The following PITPNM1 variants were observed in gnomAD, a reference collection of about 807,000 sequenced individuals.
The protein encoded by PITPNM1 is phosphatidylinositol transfer protein membrane associated 1, also known as membrane-associated phosphatidylinositol transfer protein 1.
In PITPNM1, 74 loss-of-function variants were observed where a neutral mutation model predicts 133.3. That is an observed-to-expected ratio of 0.56 (90% CI 0.46 to 0.67). PITPNM1 has a LOEUF of 0.67. PITPNM1 is among the 30% of genes least tolerant of loss of function. The pLI is 0.00. For missense variants in PITPNM1, 1,398 were observed against 1,739.5 expected (o/e 0.80, Z 3.49); for synonymous variants, 738 against 741.4 (o/e 1.00, Z 0.08).
Position 67,494,073 on chromosome 11 carries a change from G to C in PITPNM1, c.2860-3C>G. ...TGCGTCATGATGTAGACATCCACCTGGAGGGGAGAAGGGGCGGGAGGTAAA... is the reference window on the plus strand; with the variant it reads ...TGCGTCATGATGTAGACATCCACCTCGAGGGGAGAAGGGGCGGGAGGTAAA... On this transcript the variant is annotated splice_region_variant and splice_polypyrimidine_tract_variant and intron_variant, in intron 19 of 23. Transcript: ENST00000356404. The C allele has an allele frequency of 1.2e-6, 2 of 1,603,604 alleles. No homozygotes were observed. The highest frequency in any genetic ancestry group is 1.7e-6 in the Non-Finnish European group (2 of 1,174,118).
In PITPNM1 at chr11:67,493,848, C is replaced by T; in HGVS notation, c.3009-11G>A. Reference sequence around the variant, plus strand: ...TAGGTGTGGTCGCCCCTGCGGCCCACGGGGCGGGGCGTGAGTGGCGCGGGG... The same window carrying T: ...TAGGTGTGGTCGCCCCTGCGGCCCATGGGGCGGGGCGTGAGTGGCGCGGGG... On this transcript the variant is annotated splice_polypyrimidine_tract_variant and intron_variant, in intron 20 of 23. Coordinates refer to ENST00000356404, the MANE Select transcript of PITPNM1 (RefSeq NM_004910.3). 1.3e-6 allele frequency: 2 copies of T among 1,532,306 alleles called. No homozygotes were observed. The highest frequency in any genetic ancestry group is 1.2e-5 in the South Asian group (1 of 82,150). 94.9% of individuals were successfully genotyped at this position (1,532,306 alleles called of 1,614,324 possible).
In PITPNM1 at chr11:67,498,082, C is replaced by T; in HGVS notation, c.1674+51G>A. ...CCTTGTCCTCACCCAGGCCAGACTA[C>T]AGTGGGGGCTGCAGTGGAGGGCAGC... On this transcript the variant is annotated intron_variant, in intron 11 of 23. Transcript: ENST00000356404. The surrounding 1 kb of genome is among the most constrained non-coding windows in gnomAD (Gnocchi z 5.7). The T allele has an allele frequency of 1.2e-6, 2 of 1,609,176 alleles. No individual in the cohort carries two copies. Among genetic ancestry groups the T allele is most frequent in the Non-Finnish European group, 1.7e-6 (2 of 1,178,916 alleles).
rs1388892899 is a variant in PITPNM1 at position 67,505,231 on chromosome 11, C to G, written c.-85G>C. On this transcript the variant is annotated 5_prime_UTR_variant, in exon 1 of 24. Transcript: ENST00000356404. The surrounding 1 kb of genome is among the most constrained non-coding windows in gnomAD (Gnocchi z 5.8). ...GCCCCTCACCCAGCCCGGGCAGGGCCGGCCGGCCCGTGGGTCGGAGCCCGG... is the reference window on the plus strand; with the variant it reads ...GCCCCTCACCCAGCCCGGGCAGGGCGGGCCGGCCCGTGGGTCGGAGCCCGG... 6.6e-6 allele frequency: 1 copy of G among 152,180 alleles called. No homozygotes were observed. The highest frequency in any genetic ancestry group is 2.1e-4 in the South Asian group (1 of 4,828). The allele number at this position is 152,180 out of a possible 1,614,324, so 9.4% of individuals were successfully genotyped here. A position where few individuals can be genotyped will look rare whatever the true frequency, so the allele number is the denominator to read the frequency against.
intron 8 of PITPNM1, 96 bp from the exon 9 acceptor site, chr11:67,499,097 G>GCCCC: frequency 8.1e-7 from 1 of 1,229,440 alleles, no homozygotes; most frequent in Non-Finnish European, 1.1e-6. Flanking sequence ...TCTGCCTGAG[G>GCCCC]CCCCCAGTCC....
At position 67,491,972 on chromosome 11, in the gene PITPNM1, G is replaced by C; in HGVS notation, c.*61C>G. On this transcript the variant is annotated 3_prime_UTR_variant, in exon 24 of 24. Coordinates refer to ENST00000356404, the MANE Select transcript of PITPNM1 (RefSeq NM_004910.3). ...AGTCTGGGTCCCCAGCCTCCCACACGCAGCCCCTCGGGCCCCTTGGGTGTG... is the reference window on the plus strand; with the variant it reads ...AGTCTGGGTCCCCAGCCTCCCACACCCAGCCCCTCGGGCCCCTTGGGTGTG... The C allele has an allele frequency of 6.4e-7, 1 of 1,556,330 alleles. No homozygotes were observed. The highest frequency in any genetic ancestry group is 8.7e-7 in the Non-Finnish European group (1 of 1,147,358).
In PITPNM1 at chr11:67,497,224, G is replaced by A. The variant is rs1235141611; in HGVS notation, c.2146+7C>T. On this transcript the variant is annotated splice_region_variant and intron_variant, in intron 14 of 23. Coordinates refer to ENST00000356404, the MANE Select transcript of PITPNM1 (RefSeq NM_004910.3). ...CTAGAGGCGCCCCCGCAGCCCCTAG[G>A]ACTCACCCTCCAGGGCGGGCATCAC... 4 of 1,599,516 alleles carry A rather than the reference G, an allele frequency of 2.5e-6. No individual in the cohort carries two copies. Among genetic ancestry groups the A allele is most frequent in the Non-Finnish European group, 3.4e-6 (4 of 1,171,212 alleles).
In PITPNM1 at chr11:67,498,622, G is replaced by C; in HGVS notation, c.1458C>G (p.Cys486Trp). Residue 486 changes from cysteine (C) to tryptophan (W), a missense_variant, in exon 10 of 24, where the codon TGC (cysteine) becomes TGG (tryptophan). Around this residue, in one of 5 missense-constraint regions of PITPNM1, gnomAD observed 574 missense variants for 698.7 expected, o/e 0.82. Coordinates refer to ENST00000356404, the MANE Select transcript of PITPNM1 (RefSeq NM_004910.3). The surrounding 1 kb of genome is among the most constrained non-coding windows in gnomAD (Gnocchi z 5.7). ...ALRLVPCPPICAAAYALVSNL... is the reference protein window; with the variant it reads ...ALRLVPCPPIWAAAYALVSNL... ...TGGAGACAAGGGCATAGGCGGCGGC[G>C]CAGATGGGTGGACAGGGCACCAGTC... 1.3e-6 allele frequency: 2 copies of C among 1,598,300 alleles called. No homozygotes were observed. The highest frequency in any genetic ancestry group is 1.7e-6 in the Non-Finnish European group (2 of 1,179,770).
chr11:67,494,168 C>T, intron 19 of PITPNM1, 76 bp downstream of exon 19: 2 of 1,578,394 alleles, frequency 1.3e-6, no homozygotes, highest in Non-Finnish European at 1.7e-6. Flanking sequence ...GGGGCACAAC[C>T]ACCAGGGACC....
rs546229482 is a variant in PITPNM1 at position 67,492,142 on chromosome 11, C to T, written c.3626G>A (p.Arg1209His). The T allele has an allele frequency of 2.2e-5, 35 of 1,611,764 alleles. No individual in the cohort carries two copies. The highest frequency in any genetic ancestry group is 7.7e-5 in the South Asian group (7 of 91,076). The change falls in exon 24 of 24, where the codon CGC becomes CAC. Residue 1209 changes from arginine (R) to histidine (H), a missense_variant. Physicochemically the swap from Arg to His is conservative, Grantham distance 29 (BLOSUM62 0). This residue lies in a region of PITPNM1 where 122 missense variants were observed against 123.3 expected (regional missense o/e 0.99). Transcript: ENST00000356404. ...DFLRKQSQLLRSRGPSQAERE... is the reference protein window; with the variant it reads ...DFLRKQSQLLHSRGPSQAERE... Reference sequence around the variant, plus strand: ...CTCCGCCTGGCTGGGGCCCCTCGAGCGAAGCAGCTGGCTCTGTTTGCGCAG... The same window carrying T: ...CTCCGCCTGGCTGGGGCCCCTCGAGTGAAGCAGCTGGCTCTGTTTGCGCAG...
chr11:67,497,812 C>A lies in PITPNM1; in HGVS notation c.1782+105G>T, dbSNP rs960732584. The A allele has an allele frequency of 3.7e-5, 54 of 1,473,154 alleles. No individual in the cohort carries two copies. The Admixed American group carries it at 1.0e-3, about 27-fold the overall frequency. The allele number at this position is 1,473,154 out of a possible 1,614,324, so 91.3% of individuals were successfully genotyped here. A position where few individuals can be genotyped will look rare whatever the true frequency, so the allele number is the denominator to read the frequency against. Reference sequence around the variant, plus strand: ...GAGAAGACATGAACTGGCAGGGCAGCAGGGGGCCTGCCTGCTGGCAGAGGG... The same window carrying A: ...GAGAAGACATGAACTGGCAGGGCAGAAGGGGGCCTGCCTGCTGGCAGAGGG... On this transcript the variant is annotated intron_variant, in intron 12 of 23. Coordinates refer to ENST00000356404, the MANE Select transcript of PITPNM1 (RefSeq NM_004910.3).
chr11:67,499,861 G>C (rs1335392022), intron 7 of PITPNM1, 31 bp from the exon 8 acceptor site: 1 of 1,590,364 alleles, frequency 6.3e-7, no homozygotes, highest in East Asian at 2.3e-5. Flanking sequence ...GTCATGGGGT[G>C]GGAGGAGCTG....
chr11:67,499,749 G>A lies in PITPNM1; in HGVS notation c.1145C>T (p.Ser382Phe), dbSNP rs1866261858. 1.3e-6 allele frequency: 2 copies of A among 1,511,970 alleles called. No homozygotes were observed. The highest frequency in any genetic ancestry group is 1.8e-6 in the Non-Finnish European group (2 of 1,127,476). The allele number at this position is 1,511,970 out of a possible 1,614,324, so 93.7% of individuals were successfully genotyped here. A position where few individuals can be genotyped will look rare whatever the true frequency, so the allele number is the denominator to read the frequency against. Reference protein sequence around the residue: ...NSNDFIDAFASPVEAEGTPEP... With the variant: ...NSNDFIDAFAFPVEAEGTPEP... ...TGGCGTTCCCTCTGCCTCCACTGGGGAGGCAAAGGCATCAATGAAGTCATT... is the reference window on the plus strand; with the variant it reads ...TGGCGTTCCCTCTGCCTCCACTGGGAAGGCAAAGGCATCAATGAAGTCATT... Residue 382 changes from serine to phenylalanine, a missense_variant, in exon 8 of 24, where the codon TCC becomes TTC. Around this residue, in one of 5 missense-constraint regions of PITPNM1, gnomAD observed 195 missense variants for 178.8 expected, o/e 1.09. Coordinates refer to ENST00000356404, the MANE Select transcript of PITPNM1 (RefSeq NM_004910.3).
chr11:67,493,924 G>T lies in PITPNM1; in HGVS notation c.3006C>A (p.Val1002=). 6.4e-7 allele frequency: 1 copy of T among 1,565,430 alleles called. No individual in the cohort carries two copies. The highest frequency in any genetic ancestry group is 1.2e-5 in the South Asian group (1 of 83,996). The part of the protein sequence containing the change: ...GIGVYPVRMV[V]RGDHTYAECC... ...GAGGCCCGGCCAGCCGCGCTCACCT[G>T]ACCACCATGCGCACGGGGTAGACAC... Residue 1002 remains valine, a splice_region_variant and synonymous_variant, in exon 20 of 24, where the codon GTC becomes GTA. Coordinates refer to ENST00000356404, the MANE Select transcript of PITPNM1 (RefSeq NM_004910.3).
At position 67,500,277 on chromosome 11, in the gene PITPNM1, C is replaced by T. The variant is rs1490841514; in HGVS notation, c.785G>A (p.Gly262Asp). 2 of 1,609,656 alleles carry T rather than the reference C, an allele frequency of 1.2e-6. No homozygotes were observed. The highest frequency in any genetic ancestry group is 3.3e-5 in the Admixed American group (2 of 60,006). ...GGGCTGGGCCTCGGACCCCTCACTG[C>T]CTGTGTTGCACTTGGCCATGCGCTG... ...LAQRMAKCNTGSEGSEAQPPG... is the reference protein window; with the variant it reads ...LAQRMAKCNTDSEGSEAQPPG... The change falls in exon 6 of 24, where the codon GGC becomes GAC. Residue 262 changes from glycine (G) to aspartate (D), a missense_variant. By Grantham distance (94) the Gly-to-Asp change is moderately conservative. This residue lies in a region of PITPNM1 where 195 missense variants were observed against 178.8 expected (regional missense o/e 1.09). Coordinates refer to ENST00000356404, the MANE Select transcript of PITPNM1 (RefSeq NM_004910.3).
intron 5 of PITPNM1, among the ~76,000 whole-genome samples, chr11:67,501,476 G>T (rs1866319491): frequency 6.6e-6 from 1 of 152,226 alleles, no homozygotes; most frequent in South Asian, 2.1e-4. Flanking sequence ...GGGAGTGGAG[G>T]TGGGGAATCC....
chr11:67,495,975 A>C (rs958098233), intron 15 of PITPNM1, among the ~76,000 whole-genome samples: 1 of 152,136 alleles, frequency 6.6e-6, no homozygotes, highest in Non-Finnish European at 1.5e-5. Context: ...AGCTTGGCTA[A>C]CCACCCCCAC....
intron 15 of PITPNM1, among the ~76,000 whole-genome samples, 181 bp downstream of exon 15, chr11:67,495,997 G>GCC (rs1479162517): frequency 6.6e-6 from 1 of 152,194 alleles, no homozygotes; most frequent in African/African-American, 2.4e-5. Context: ...CAACTTCTAG[G>GCC]CCCAGGAGGT....
chr11:67,495,692 T>A lies in PITPNM1; in HGVS notation c.2318-90A>T. ...GCTCCCCGCACCTCTGCCATCTTCC[T>A]GTGGCCCCTCTGGTCAGGTCCTGGC... On this transcript the variant is annotated intron_variant, in intron 15 of 23. Transcript: ENST00000356404. 2.3e-6 allele frequency: 3 copies of A among 1,280,054 alleles called. No individual in the cohort carries two copies. In the South Asian group the frequency reaches 4.9e-5, roughly 21 times the overall value. The allele number at this position is 1,280,054 out of a possible 1,614,324, so 79.3% of individuals were successfully genotyped here.
Position 67,492,156 on chromosome 11 carries a change from C to G in PITPNM1, c.3612G>C (p.Gln1204His), listed in dbSNP as rs778806639. 8 of 1,611,582 alleles carry G rather than the reference C, an allele frequency of 5.0e-6. No homozygotes were observed. The highest frequency in any genetic ancestry group is 5.9e-6 in the Non-Finnish European group (7 of 1,179,818). ...VAAPVDFLRKQSQLLRSRGPS... is the reference protein window; with the variant it reads ...VAAPVDFLRKHSQLLRSRGPS... ...GGCCCCTCGAGCGAAGCAGCTGGCT[C>G]TGTTTGCGCAGGAAGTCCACGGGGG... Residue 1204 changes from glutamine (Q) to histidine (H), a missense_variant, in exon 24 of 24, where the codon CAG (glutamine) becomes CAC (histidine). Gln to His is a conservative substitution (Grantham distance 24). This residue lies in a region of PITPNM1 where 122 missense variants were observed against 123.3 expected (regional missense o/e 0.99). Coordinates refer to ENST00000356404, the MANE Select transcript of PITPNM1 (RefSeq NM_004910.3).
Sources: allele counts gnomAD v4.1 joint callset (sites outside exome capture counted in the v4.1 genomes callset), GRCh38; gene constraint gnomAD v4.1.1; regional missense constraint gnomAD v4.1.1; non-coding constraint Gnocchi (gnomAD v3.1); transcripts MANE v1.5; gene names NCBI Gene and HGNC (gene_info 2026-07-23, HGNC 2026-07-21).